SLC22A23: variants seen among roughly 807,000 people sequenced by gnomAD.
SLC22A23 encodes the protein ion transporter protein.
In SLC22A23, 26 loss-of-function variants were observed where a neutral mutation model predicts 61.0. The ratio of observed to expected loss-of-function variants is 0.43; its 90% CI spans 0.31 to 0.59. The LOEUF (loss-of-function observed/expected upper bound fraction) is 0.59, where lower values mean the gene tolerates loss of function less well. SLC22A23 is among the 20% of genes least tolerant of loss of function. SLC22A23 has a pLI of 0.11. For missense variants in SLC22A23, 796 were observed against 934.7 expected (o/e 0.85, Z 1.94); for synonymous variants, 430 against 413.9 (o/e 1.04, Z -0.47).
intron 3 of SLC22A23, among the ~76,000 whole-genome samples, chr6:3,407,824 TAC>T (rs1365421848): frequency 6.6e-6 from 1 of 152,148 alleles, no homozygotes; most frequent in Non-Finnish European, 1.5e-5. Flanking sequence ...CTAAATAACA[TAC>T]ACACTAAGAT....
chr6:3,284,076 A>ATGG lies in SLC22A23; in HGVS notation c.1580-102_1580-101insCCA, dbSNP rs34703291. The ATGG allele has an allele frequency of 2.9e-3, 3,717 of 1,262,460 alleles. 109 individuals are homozygous for ATGG. In the Admixed American group the frequency reaches 0.06, roughly 20 times the overall value. 78.2% of individuals were successfully genotyped at this position (1,262,460 alleles called of 1,614,324 possible). ...ACAGCACAGCTCCTTCCCAGTGTCC[A>ATGG]GCTTGCGGCATGGATGGGTATGCAA... is the stretch of plus-strand genomic sequence containing the variant. On this transcript the variant is annotated intron_variant, in intron 8 of 9. Transcript: ENST00000406686.
At chr6:3,275,589 TATAA>T (rs1237474006) in intron 9 of SLC22A23, among the ~76,000 whole-genome samples, 1 of 152,224 alleles carries the variant, frequency 6.6e-6, no homozygotes, top group African/African-American at 2.4e-5. Context: ...AACTAGAATA[TATAA>T]AGAACTTTTT....
chr6:3,434,139 C>G (rs558650385), intron 1 of SLC22A23, among the ~76,000 whole-genome samples: 13 of 150,018 alleles, frequency 8.7e-5, no homozygotes, highest in Non-Finnish European at 1.2e-4. Flanking sequence ...CATGGTGAAA[C>G]CCCATCTCTA....
chr6:3,335,615 G>A (rs1007374704), intron 3 of SLC22A23, among the ~76,000 whole-genome samples: 9 of 152,196 alleles, frequency 5.9e-5, no homozygotes, highest in African/African-American at 1.9e-4. Context: ...TCACATGCAT[G>A]CCCTGCTGCA....
intron 4 of SLC22A23, 150 bp downstream of exon 4, chr6:3,323,684 A>C: frequency 3.3e-6 from 3 of 916,514 alleles, no homozygotes; most frequent in South Asian, 3.8e-5. Flanking sequence ...AAACAATAAA[A>C]TTTTTTAAAA....
At chr6:3,406,127 G>T (rs75782031) in intron 3 of SLC22A23, among the ~76,000 whole-genome samples, 3 of 152,186 alleles carry the variant, frequency 2.0e-5, no homozygotes, top group Non-Finnish European at 4.4e-5. Context: ...AACTGGGAAA[G>T]TGTAGCTGGT....
chr6:3,388,787 C>G (rs1023336095), intron 3 of SLC22A23, among the ~76,000 whole-genome samples: 2 of 152,156 alleles, frequency 1.3e-5, no homozygotes, highest in Admixed American at 6.5e-5. Flanking sequence ...ACCTTGAAGA[C>G]ATGATGCTAA....
At chr6:3,273,434 G>A (rs1410194303) in intron 9 of SLC22A23, 22 bp from the exon 10 acceptor site, 3 of 1,609,686 alleles carry the variant, frequency 1.9e-6, no homozygotes, top group Admixed American at 1.7e-5. Context: ...GGGAAGCACA[G>A]GGATTGCTGC....
At chr6:3,397,416 C>T (rs1179783286) in intron 3 of SLC22A23, among the ~76,000 whole-genome samples, 1 of 152,178 alleles carries the variant, frequency 6.6e-6, no homozygotes, top group Admixed American at 6.5e-5. Context: ...AGGGAAGACG[C>T]AGTGTACAAG....
intron 3 of SLC22A23, among the ~76,000 whole-genome samples, chr6:3,348,300 G>A (rs891384188): frequency 3.3e-5 from 5 of 152,146 alleles, no homozygotes; most frequent in Admixed American, 6.5e-5. Context: ...ACAACGGAGG[G>A]GTCTGGCCTC....
chr6:3,417,189 C>A (rs1327719821), intron 1 of SLC22A23, among the ~76,000 whole-genome samples: 1 of 152,148 alleles, frequency 6.6e-6, no homozygotes, highest in Non-Finnish European at 1.5e-5. Context: ...AGTAGAAAGC[C>A]ACTGCCTGTC....
At chr6:3,450,801 A>G (rs1359332534) in intron 1 of SLC22A23, among the ~76,000 whole-genome samples, 1 of 152,232 alleles carries the variant, frequency 6.6e-6, no homozygotes, top group African/African-American at 2.4e-5. Context: ...AGTGAAAACT[A>G]GTCATCATAT....
intron 9 of SLC22A23, 96 bp from the exon 10 acceptor site, chr6:3,273,508 G>T (rs891132343): frequency 1.5e-6 from 2 of 1,317,028 alleles, no homozygotes; most frequent in Non-Finnish European, 2.1e-6. Flanking sequence ...CTCTGCAGGG[G>T]CCCTGCTGCC....
At chr6:3,301,568 T>C (rs1017536775) in intron 4 of SLC22A23, among the ~76,000 whole-genome samples, 1 of 152,146 alleles carries the variant, frequency 6.6e-6, no homozygotes, top group African/African-American at 2.4e-5. Context: ...TGGCAGGAAA[T>C]GGATTTTGAA....
At position 3,286,431 on chromosome 6, in the gene SLC22A23, T is replaced by G. The variant is rs11964267; in HGVS notation, c.1546+428A>C. 0.011 allele frequency among the ~76,000 whole-genome samples: 1,723 copies of G among 152,308 alleles called. 44 individuals are homozygous for G. The highest frequency in any genetic ancestry group is 0.039 in the African/African-American group (1,630 of 41,562). Reference sequence around the variant, plus strand: ...TTTTTAACCTTTACTGAGAAATTCTTTGGTCCAAAGAGAAGCTGATGAACT... The same window carrying G: ...TTTTTAACCTTTACTGAGAAATTCTGTGGTCCAAAGAGAAGCTGATGAACT... On this transcript the variant is annotated intron_variant, in intron 7 of 9. Coordinates refer to ENST00000406686, the MANE Select transcript of SLC22A23 (RefSeq NM_015482.2). The surrounding 1 kb of genome is among the most constrained non-coding windows in gnomAD (Gnocchi z 4.2).
At chr6:3,295,265 G>A (rs963555568) in intron 5 of SLC22A23, among the ~76,000 whole-genome samples, 1 of 151,700 alleles carries the variant, frequency 6.6e-6, no homozygotes, top group African/African-American at 2.4e-5. Flanking sequence ...GTGAATAACT[G>A]GGGGCTGACT....
At chr6:3,401,230 T>C (rs1768366878) in intron 3 of SLC22A23, among the ~76,000 whole-genome samples, 1 of 152,202 alleles carries the variant, frequency 6.6e-6, no homozygotes, top group Non-Finnish European at 1.5e-5. Context: ...CCCAGTCACT[T>C]GGGAGGCTGA....
Position 3,318,786 on chromosome 6 carries a change from G to A in SLC22A23, c.1082+5048C>T, listed in dbSNP as rs1193050950. Reference sequence around the variant, plus strand: ...CCCACCACAGTAGGATAGCAGGACAGGACTTCAGCCTCCAGCCCTCCTGAG... The same window carrying A: ...CCCACCACAGTAGGATAGCAGGACAAGACTTCAGCCTCCAGCCCTCCTGAG... On this transcript the variant is annotated intron_variant, in intron 4 of 9. Coordinates refer to ENST00000406686, the MANE Select transcript of SLC22A23 (RefSeq NM_015482.2). This position sits in a 1 kb window ranked among gnomAD's most constrained non-coding sequence, Gnocchi z 4.3. 6.6e-6 allele frequency among the ~76,000 whole-genome samples: 1 copy of A among 152,178 alleles called. No homozygotes were observed. Among genetic ancestry groups the A allele is most frequent in the Non-Finnish European group, 1.5e-5 (1 of 68,036 alleles).
At chr6:3,337,698 C>T (rs917073963) in intron 3 of SLC22A23, among the ~76,000 whole-genome samples, 3 of 152,072 alleles carry the variant, frequency 2.0e-5, no homozygotes, top group African/African-American at 4.8e-5. Context: ...CCTGGTGTGG[C>T]GACAGGCTCG....
Sources: gnomAD v4.1 joint callset for allele counts (sites outside exome capture counted in the v4.1 genomes callset) on GRCh38, gnomAD v4.1.1 for gene constraint, Gnocchi (gnomAD v3.1) non-coding constraint, MANE v1.5 for transcripts, NCBI Gene and HGNC (gene_info 2026-07-23, HGNC 2026-07-21) for gene names.